Variants in METTL15 observed in about 807,000 individuals in gnomAD.
The protein encoded by METTL15 is 12S rRNA N(4)-cytidine methyltransferase METTL15.
A neutral mutation model predicts 38.3 loss-of-function variants in METTL15; 34 were observed. That is an observed-to-expected ratio of 0.89 (90% CI 0.68 to 1.18). METTL15 has a LOEUF of 1.18. METTL15 is among the 50% of genes most tolerant of loss of function. The pLI is 0.00. For missense variants in METTL15, 438 were observed against 498.4 expected (o/e 0.88, Z 1.15); for synonymous variants, 162 against 170.9 (o/e 0.95, Z 0.41).
At chr11:28,275,913 CT>C (rs1437417257) in intron 4 of METTL15, among the ~76,000 whole-genome samples, 1 of 151,980 alleles carries the variant, frequency 6.6e-6, no homozygotes, top group African/African-American at 2.4e-5. Flanking sequence ...ATGATAAAAA[CT>C]CTTAAAAATC....
intron 3 of METTL15, among the ~76,000 whole-genome samples, chr11:28,154,239 T>G (rs1357157346): frequency 1.3e-5 from 2 of 152,138 alleles, no homozygotes; most frequent in Admixed American, 6.6e-5. Context: ...CTCTTTCTTG[T>G]TACTTGCTTT....
intron 3 of METTL15, among the ~76,000 whole-genome samples, chr11:28,129,656 T>A (rs887730033): frequency 1.3e-5 from 2 of 152,174 alleles, no homozygotes; most frequent in African/African-American, 4.8e-5. Context: ...GTGGTCTGTC[T>A]GTCTGTGCCT....
At chr11:28,450,977 C>T (rs960979610) in intron 6 of METTL15, among the ~76,000 whole-genome samples, 4 of 152,112 alleles carry the variant, frequency 2.6e-5, no homozygotes, top group Non-Finnish European at 5.9e-5. Flanking sequence ...ACAGGTTAAG[C>T]GACTTATCCA....
chr11:28,516,239 C>T (rs938138623), intron 6 of METTL15, among the ~76,000 whole-genome samples: 3 of 152,108 alleles, frequency 2.0e-5, no homozygotes, highest in South Asian at 2.1e-4. Context: ...TACAGTGCTG[C>T]CCTAGATATT....
chr11:28,254,720 A>G (rs1854901454), intron 4 of METTL15, among the ~76,000 whole-genome samples: 2 of 152,094 alleles, frequency 1.3e-5, no homozygotes. Flanking sequence ...TTCTAGCGCC[A>G]TTTATTGAAG....
intron 4 of METTL15, among the ~76,000 whole-genome samples, chr11:28,228,756 C>A (rs2133878352): frequency 6.6e-6 from 1 of 151,982 alleles, no homozygotes. Flanking sequence ...TCATTGAAGA[C>A]AAAAACTATG....
At chr11:28,345,263 A>T (rs1229060068) in intron 3 of METTL15, among the ~76,000 whole-genome samples, 1 of 152,170 alleles carries the variant, frequency 6.6e-6, no homozygotes, top group Admixed American at 6.5e-5. Context: ...ATCTCGGCCT[A>T]CTGCAACCTC....
At chr11:28,319,456 TTG>T (rs969305013) in intron 6 of METTL15, among the ~76,000 whole-genome samples, 29 of 149,304 alleles carry the variant, frequency 1.9e-4, no homozygotes, top group African/African-American at 6.4e-4. Context: ...AAATAAGGTG[TTG>T]TTTTTTTTTT....
chr11:28,471,623 A>G (rs949736673), intron 6 of METTL15, among the ~76,000 whole-genome samples: 11 of 152,076 alleles, frequency 7.2e-5, no homozygotes, highest in African/African-American at 2.4e-4. Flanking sequence ...TTTCTGCTAA[A>G]TCTTTTGTCA....
At chr11:28,511,799 G>A (rs1054852822) in intron 6 of METTL15, among the ~76,000 whole-genome samples, 2 of 152,194 alleles carry the variant, frequency 1.3e-5, no homozygotes, top group South Asian at 2.1e-4. Flanking sequence ...AAAGAACAAA[G>A]CTTCCACAGT....
At position 28,433,311 on chromosome 11, in the gene METTL15, G is replaced by A. The variant is rs903423774; in HGVS notation, c.*424+8947G>A. The stretch of plus-strand genomic sequence containing the variant: ...GTATTCTATATACCATAACAAACCT[G>A]AGTTGACACTGGGGAGCTAGCAAGT... On this transcript the variant is annotated intron_variant and NMD_transcript_variant, in intron 6 of 7. Coordinates refer to the METTL15 transcript ENST00000532947. Among the ~76,000 whole-genome samples the A allele has an allele frequency of 2.0e-5, 3 of 152,066 alleles. No homozygotes were observed. The East Asian group carries it at 5.8e-4, about 29-fold the overall frequency.
intron 4 of METTL15, among the ~76,000 whole-genome samples, chr11:28,239,173 C>T (rs1854175523): frequency 1.3e-5 from 2 of 152,168 alleles, no homozygotes; most frequent in Non-Finnish European, 2.9e-5. Flanking sequence ...CATCCAACTG[C>T]TTAGCTGGCA....
intron 3 of METTL15, among the ~76,000 whole-genome samples, chr11:28,351,218 T>C (rs1850038933): frequency 1.3e-5 from 2 of 152,128 alleles, no homozygotes; most frequent in Non-Finnish European, 2.9e-5. Context: ...TTCAAGCTAT[T>C]CTCCTGTCTC....
At chr11:28,347,445 C>G (rs939004654) in intron 3 of METTL15, among the ~76,000 whole-genome samples, 2 of 152,204 alleles carry the variant, frequency 1.3e-5, no homozygotes. Context: ...TCTTCCAGCC[C>G]TCTCCAGCTC....
chr11:28,112,275 G>C (rs1354362551), intron 2 of METTL15, among the ~76,000 whole-genome samples: 3 of 152,140 alleles, frequency 2.0e-5, no homozygotes, highest in Non-Finnish European at 4.4e-5. Flanking sequence ...ATTCTGTGGA[G>C]TCTGGAATTA....
intron 3 of METTL15, among the ~76,000 whole-genome samples, chr11:28,200,496 C>T (rs1181870841): frequency 1.3e-5 from 2 of 152,124 alleles, no homozygotes; most frequent in African/African-American, 2.4e-5. Flanking sequence ...TCCTGATGCC[C>T]ATTCAGCCTG....
At chr11:28,173,394 C>T (rs1565141668) in intron 3 of METTL15, among the ~76,000 whole-genome samples, 1 of 152,026 alleles carries the variant, frequency 6.6e-6, no homozygotes, top group Non-Finnish European at 1.5e-5. Flanking sequence ...ATCTGTGAAC[C>T]GGGAAAAAAT....
chr11:28,372,661 C>G (rs1850257958), intron 5 of METTL15, among the ~76,000 whole-genome samples: 1 of 150,758 alleles, frequency 6.6e-6, no homozygotes, highest in Non-Finnish European at 1.5e-5. Flanking sequence ...GGTACATGTG[C>G]ACATTGTGCA....
intron 6 of METTL15, among the ~76,000 whole-genome samples, chr11:28,456,854 A>G (rs1471728439): frequency 2.0e-5 from 3 of 152,174 alleles, no homozygotes; most frequent in African/African-American, 4.8e-5. Context: ...AGCACCAGAT[A>G]TGTGGATGAA....
Sources: allele counts gnomAD v4.1 joint callset (sites outside exome capture counted in the v4.1 genomes callset), GRCh38; gene constraint gnomAD v4.1.1; transcripts MANE v1.5; gene names NCBI Gene and HGNC (gene_info 2026-07-23, HGNC 2026-07-21).